TRAF3: variants seen among roughly 807,000 people sequenced by gnomAD.
TRAF3 encodes the protein TNF receptor associated factor 3.
Under a neutral mutation model 62.3 loss-of-function variants are expected in TRAF3, and 13 were observed. The ratio of observed to expected loss-of-function variants is 0.21; its 90% CI spans 0.14 to 0.33. The LOEUF (loss-of-function observed/expected upper bound fraction) is 0.33. Ranked by LOEUF, TRAF3 falls within the 10% of genes least tolerant of loss-of-function variation. TRAF3 has a pLI of 1.00. For synonymous variants in TRAF3, 269 were observed against 283.4 expected (o/e 0.95, Z 0.51); for missense variants, 440 against 741.8 (o/e 0.59, Z 4.73).
chr14:102,809,309 T>G (rs1898976035), intron 1 of TRAF3, among the ~76,000 whole-genome samples: 1 of 151,710 alleles, frequency 6.6e-6, no homozygotes, highest in Admixed American at 6.6e-5. Flanking sequence ...TTTTGTATTT[T>G]TAGTAGAGAC....
At chr14:102,782,888 C>G (rs955272506) in intron 1 of TRAF3, among the ~76,000 whole-genome samples, 2 of 152,050 alleles carry the variant, frequency 1.3e-5, no homozygotes, top group African/African-American at 4.8e-5. Context: ...GAAAGAAAAG[C>G]TAAATTGATT....
rs368268326 is a variant in TRAF3 at position 102,831,223 on chromosome 14, C to CTTT, written c.-18+753_-18+754insTTT. 6.0e-4 allele frequency among the ~76,000 whole-genome samples: 92 copies of CTTT among 152,240 alleles called. 1 individual carries two copies. In the Middle Eastern group the frequency reaches 0.017, roughly 28 times the overall value. On this transcript the variant is annotated intron_variant, in intron 2 of 11. Coordinates refer to ENST00000392745, the MANE Select transcript of TRAF3 (RefSeq NM_145725.3). ...TGCTATGTGACTGCTGAGTTAGGTC[C>CTTT]TTAAAAGGGTGCAGTTTTTGCCTGG...
At chr14:102,828,017 AG>A (rs1900426715) in intron 1 of TRAF3, among the ~76,000 whole-genome samples, 1 of 152,218 alleles carries the variant, frequency 6.6e-6, no homozygotes, top group African/African-American at 2.4e-5. Flanking sequence ...GAGCCCGGAG[AG>A]GGGGCGTCGT....
At chr14:102,829,104 CAG>C (rs369143896) in intron 1 of TRAF3, among the ~76,000 whole-genome samples, 1 of 152,302 alleles carries the variant, frequency 6.6e-6, no homozygotes, top group African/African-American at 2.4e-5. Flanking sequence ...GGCCAAGAGT[CAG>C]AGCGGAGATT....
At chr14:102,799,807 G>A (rs907986852) in intron 1 of TRAF3, among the ~76,000 whole-genome samples, 6 of 152,174 alleles carry the variant, frequency 3.9e-5, no homozygotes, top group East Asian at 3.8e-4. Flanking sequence ...CTGCCAGGCA[G>A]CAATAGTTTT....
At position 102,826,538 on chromosome 14, in the gene TRAF3, A is replaced by G. The variant is rs757886575; in HGVS notation, c.-156-3796A>G. Among the ~76,000 whole-genome samples the G allele has an allele frequency of 2.0e-5, 3 of 152,172 alleles. No homozygotes were observed. The highest frequency in any genetic ancestry group is 4.4e-5 in the Non-Finnish European group (3 of 68,036). ...AAGACGTCCTGGAGGAGAAGATTCC[A>G]GAGCCTGAGATGTGAAGTAGGTTAG... On this transcript the variant is annotated intron_variant, in intron 1 of 11. Transcript: ENST00000392745. The surrounding 1 kb of genome is among the most constrained non-coding windows in gnomAD (Gnocchi z 4.6).
At chr14:102,901,781 G>A (rs1383310449) in intron 10 of TRAF3, among the ~76,000 whole-genome samples, 1 of 152,188 alleles carries the variant, frequency 6.6e-6, no homozygotes, top group African/African-American at 2.4e-5. Flanking sequence ...GTGTCTTTGT[G>A]GTTAATAACA....
intron 10 of TRAF3, among the ~76,000 whole-genome samples, chr14:102,901,072 C>T (rs186950637): frequency 3.3e-4 from 50 of 152,312 alleles, no homozygotes; most frequent in African/African-American, 1.1e-3. Context: ...GCCCGAGTTC[C>T]CTTGCTGCTC....
chr14:102,888,905 C>G (rs1320902268), intron 7 of TRAF3, among the ~76,000 whole-genome samples: 1 of 152,136 alleles, frequency 6.6e-6, no homozygotes, highest in African/African-American at 2.4e-5. Flanking sequence ...TTTTTTCTTG[C>G]AAAACGAGTT....
chr14:102,904,821 A>G (rs1307699027), intron 11 of TRAF3, among the ~76,000 whole-genome samples: 2 of 149,188 alleles, frequency 1.3e-5, no homozygotes, highest in African/African-American at 5.0e-5. Context: ...AAAAAAAAAA[A>G]AAAAAAAGAG....
At position 102,909,448 on chromosome 14, in the gene TRAF3, C is replaced by G. The variant is rs992564880; in HGVS notation, c.*3664C>G. 2 of 152,530 alleles carry G rather than the reference C, an allele frequency of 1.3e-5. No individual in the cohort carries two copies. Among genetic ancestry groups the G allele is most frequent in the African/African-American group, 4.8e-5 (2 of 41,482 alleles). The allele number at this position is 152,530 out of a possible 1,614,324, so 9.4% of individuals were successfully genotyped here. On this transcript the variant is annotated 3_prime_UTR_variant, in exon 12 of 12. Coordinates refer to ENST00000392745, the MANE Select transcript of TRAF3 (RefSeq NM_145725.3). ...CACCTGTGTCCCTTCGATGCCACAA[C>G]AGCCAGTTGAACAGGGGAGCCCTTT...
chr14:102,803,457 T>C (rs1898571954), intron 1 of TRAF3, among the ~76,000 whole-genome samples: 1 of 152,158 alleles, frequency 6.6e-6, no homozygotes, highest in African/African-American at 2.4e-5. Flanking sequence ...GAAATAAGGA[T>C]AATGGTACTT....
rs1899271570 is a variant in TRAF3, at chr14:102,812,775, C to T, written c.-156-17559C>T. On this transcript the variant is annotated intron_variant, in intron 1 of 11. Transcript: ENST00000392745. Reference sequence around the variant, plus strand: ...TTTACTAAAAATACGAAAAATTAGCCGGGCACGGTGGCGGGCGCCTGTAAT... The same window carrying T: ...TTTACTAAAAATACGAAAAATTAGCTGGGCACGGTGGCGGGCGCCTGTAAT... Among the ~76,000 whole-genome samples, 3 of 151,266 alleles carry T rather than the reference C, an allele frequency of 2.0e-5. No homozygotes were observed. In the South Asian group the frequency reaches 6.2e-4, roughly 31 times the overall value.
Position 102,803,794 on chromosome 14 carries a change from C to T in TRAF3, c.-157+26119C>T, listed in dbSNP as rs956972332. 3.0e-4 allele frequency among the ~76,000 whole-genome samples: 45 copies of T among 152,308 alleles called. 2 individuals are homozygous for T. The highest frequency in any genetic ancestry group is 6.8e-3 in the Middle Eastern group (2 of 294). ...GAATTCTGTACGGTTTCTGATTTCT[C>T]TCAGCCCATCTGTCCTTCACTTGCA... On this transcript the variant is annotated intron_variant, in intron 1 of 11. Coordinates refer to ENST00000392745, the MANE Select transcript of TRAF3 (RefSeq NM_145725.3).
At chr14:102,847,319 T>C (rs540212448) in intron 2 of TRAF3, among the ~76,000 whole-genome samples, 15 of 152,220 alleles carry the variant, frequency 9.9e-5, no homozygotes, top group African/African-American at 3.1e-4. Context: ...GGATTACAGG[T>C]GTGTGCCACC....
chr14:102,789,875 A>G (rs1306453609), intron 1 of TRAF3, among the ~76,000 whole-genome samples: 2 of 150,624 alleles, frequency 1.3e-5, no homozygotes, highest in African/African-American at 2.4e-5. Flanking sequence ...GCTGGAGTGC[A>G]GTGGTGCAGT....
intron 2 of TRAF3, among the ~76,000 whole-genome samples, chr14:102,854,954 G>A (rs540519905): frequency 6.6e-5 from 10 of 151,618 alleles, no homozygotes; most frequent in Admixed American, 2.6e-4. Context: ...CATTTTTTTC[G>A]TTCCCAAAAG....
intron 6 of TRAF3, among the ~76,000 whole-genome samples, chr14:102,885,629 T>C (rs947429063): frequency 7.2e-5 from 11 of 152,220 alleles, no homozygotes; most frequent in African/African-American, 2.7e-4. Flanking sequence ...CAATTTTCTA[T>C]GGACTAAAGA....
At chr14:102,892,848 C>T (rs913806222) in intron 9 of TRAF3, among the ~76,000 whole-genome samples, 4 of 152,198 alleles carry the variant, frequency 2.6e-5, no homozygotes, top group African/African-American at 7.2e-5. Flanking sequence ...TGCACACACA[C>T]GGAGCAGAAC....
Sources: allele counts gnomAD v4.1 joint callset (sites outside exome capture counted in the v4.1 genomes callset), GRCh38; gene constraint gnomAD v4.1.1; non-coding constraint Gnocchi (gnomAD v3.1); transcripts MANE v1.5; gene names NCBI Gene and HGNC (gene_info 2026-07-23, HGNC 2026-07-21).